NME1: variants seen among roughly 807,000 people sequenced by gnomAD.
NME1 encodes NME/NM23 nucleoside diphosphate kinase 1, also known as nucleoside diphosphate kinase A.
In NME1, 9 loss-of-function variants were observed where a neutral mutation model predicts 17.2. The ratio of observed to expected loss-of-function variants is 0.52; its 90% CI spans 0.32 to 0.92. NME1 has a LOEUF of 0.92. Among genes scored for constraint, NME1 ranks in the 40% least tolerant of loss-of-function variants. NME1 has a pLI of 0.04. For synonymous variants in NME1, 72 were observed against 70.8 expected (o/e 1.02, Z -0.09); for missense variants, 169 against 201.7 (o/e 0.84, Z 0.98).
chr17:51,156,026 G>C, intron 2 of NME1: 1 of 424,620 alleles, frequency 2.4e-6, no homozygotes, highest in Non-Finnish European at 4.4e-6. Flanking sequence ...AAGCAGTGCA[G>C]AGTTCCACAT....
At chr17:51,156,122 AGATT>A in intron 2 of NME1, 1 of 332,966 alleles carries the variant, frequency 3.0e-6, no homozygotes, top group Non-Finnish European at 5.8e-6. Flanking sequence ...AATTTTAGAG[AGATT>A]TTTTTCCCCC....
chr17:51,155,945 C>A, intron 2 of NME1, 165 bp downstream of exon 2: 1 of 1,097,518 alleles, frequency 9.1e-7, no homozygotes, highest in Non-Finnish European at 1.3e-6. Context: ...TTGGCTACAT[C>A]TTGGAACAAA....
chr17:51,158,436 TCAAAACAAACAA>T (rs756044905), intron 2 of NME1, among the ~76,000 whole-genome samples: 1 of 152,114 alleles, frequency 6.6e-6, no homozygotes, highest in Non-Finnish European at 1.5e-5. Flanking sequence ...AGACCCTGTC[TCAAAACAAACAA>T]CAAAACCAAC....
intron 2 of NME1, among the ~76,000 whole-genome samples, chr17:51,156,838 C>T (rs925537103): frequency 1.3e-5 from 2 of 149,972 alleles, no homozygotes; most frequent in Non-Finnish European, 3.0e-5. Flanking sequence ...GTTGCAGTGA[C>T]CGAGATCGCA....
intron 1 of NME1, among the ~76,000 whole-genome samples, chr17:51,155,145 G>A (rs1040230490): frequency 1.3e-5 from 2 of 151,778 alleles, no homozygotes; most frequent in African/African-American, 2.4e-5. Flanking sequence ...TTAGGAGGTT[G>A]AGGTAGGAGA....
intron 2 of NME1, chr17:51,156,243 A>G (rs2049784454): frequency 4.6e-6 from 1 of 219,506 alleles, no homozygotes; most frequent in Non-Finnish European, 9.3e-6. Context: ...GAGCTGGTGG[A>G]GGAAAACTAT....
At chr17:51,154,956 T>C (rs2049763537) in intron 1 of NME1, among the ~76,000 whole-genome samples, 2 of 152,116 alleles carry the variant, frequency 1.3e-5, no homozygotes, top group South Asian at 4.1e-4. Context: ...AATCAAATGG[T>C]GGCCAGGCTC....
intron 3 of NME1, chr17:51,160,729 C>T (rs1383945359): frequency 6.5e-6 from 2 of 308,726 alleles, no homozygotes; most frequent in African/African-American, 2.2e-5. Context: ...CCTGCCTTAG[C>T]CTCCTGAGTA....
chr17:51,155,550 G>T (rs1405363193), intron 1 of NME1, 101 bp from the exon 2 acceptor site: 1 of 1,552,028 alleles, frequency 6.4e-7, no homozygotes, highest in African/African-American at 1.4e-5. Context: ...GAGCTGACCT[G>T]ACAGATTTAA....
In NME1 at chr17:51,161,933, C is replaced by T. The variant is rs558518845; in HGVS notation, c.*88C>T. Reference sequence around the variant, plus strand: ...AGGCTGTAGGAAATCTAGTTATTTACAGGAACTTCATCATAATTTGGAGGG... The same window carrying T: ...AGGCTGTAGGAAATCTAGTTATTTATAGGAACTTCATCATAATTTGGAGGG... On this transcript the variant is annotated 3_prime_UTR_variant, in exon 5 of 5. Transcript: ENST00000393196. 25 of 872,916 alleles carry T rather than the reference C, an allele frequency of 2.9e-5. No individual in the cohort carries two copies. Among genetic ancestry groups the T allele is most frequent in the Non-Finnish European group, 4.5e-5 (23 of 515,738 alleles). The allele number at this position is 872,916 out of a possible 1,614,324, so 54.1% of individuals were successfully genotyped here.
intron 1 of NME1, among the ~76,000 whole-genome samples, chr17:51,155,397 A>G (rs78766181): frequency 0.074 from 11,320 of 152,290 alleles, 567 homozygotes; most frequent in Non-Finnish European, 0.11. Flanking sequence ...AAAACCCCAC[A>G]AAAACCAAAA....
chr17:51,158,006 G>A (rs151337559), intron 2 of NME1, among the ~76,000 whole-genome samples: 10 of 152,140 alleles, frequency 6.6e-5, no homozygotes, highest in South Asian at 2.1e-4. Flanking sequence ...AGGGCCTGGC[G>A]TGGTGGCTCA....
Position 51,154,601 on chromosome 17 carries a change from A to G in NME1, c.-5+939A>G, listed in dbSNP as rs138180716. ...ATTGGCTAGTCAAAATATTCTTTGCATTGTAAAGTGTAGCATAACATTACA... is the reference window on the plus strand; with the variant it reads ...ATTGGCTAGTCAAAATATTCTTTGCGTTGTAAAGTGTAGCATAACATTACA... On this transcript the variant is annotated intron_variant, in intron 1 of 4. Coordinates refer to ENST00000393196, the MANE Select transcript of NME1 (RefSeq NM_000269.3). Among the ~76,000 whole-genome samples the G allele has an allele frequency of 1.9e-3, 296 of 152,284 alleles. 2 individuals carry two copies. Among genetic ancestry groups the G allele is most frequent in the African/African-American group, 6.8e-3 (284 of 41,558 alleles).
intron 2 of NME1, 121 bp downstream of exon 2, chr17:51,155,901 C>G: frequency 6.6e-7 from 1 of 1,517,614 alleles, no homozygotes; most frequent in Middle Eastern, 1.7e-4. Flanking sequence ...ACACAAGTGT[C>G]TTGAGACCTG....
At chr17:51,155,164 C>G (rs1288674945) in intron 1 of NME1, among the ~76,000 whole-genome samples, 1 of 151,178 alleles carries the variant, frequency 6.6e-6, no homozygotes, top group Non-Finnish European at 1.5e-5. Context: ...GAATTGCTTG[C>G]CTGGGAAGTG....
chr17:51,161,470 A>G (rs1472299235), intron 4 of NME1, 198 bp downstream of exon 4: 1 of 685,560 alleles, frequency 1.5e-6, no homozygotes, highest in African/African-American at 1.8e-5. Context: ...CACGAAGTGT[A>G]GAACCTGGTA....
At chr17:51,159,776 G>A (rs1387328718) in intron 2 of NME1, among the ~76,000 whole-genome samples, 1 of 152,038 alleles carries the variant, frequency 6.6e-6, no homozygotes, top group African/African-American at 2.4e-5. Flanking sequence ...AGTGCCAATA[G>A]GGAGACAACT....
chr17:51,154,576 A>T (rs2144857082), intron 1 of NME1: 1 of 740,466 alleles, frequency 1.4e-6, no homozygotes, highest in South Asian at 1.6e-5. Flanking sequence ...CCCACCGTTT[A>T]TTGGCTAGTC....
At chr17:51,160,153 T>C in intron 3 of NME1, 72 bp downstream of exon 3, 3 of 1,540,310 alleles carry the variant, frequency 1.9e-6, no homozygotes, top group African/African-American at 1.4e-5. Context: ...TTCTAGACAC[T>C]GGGGATACAG....
Sources: gnomAD v4.1 joint callset for allele counts (sites outside exome capture counted in the v4.1 genomes callset) on GRCh38, gnomAD v4.1.1 for gene constraint, MANE v1.5 for transcripts, NCBI Gene and HGNC (gene_info 2026-07-23, HGNC 2026-07-21) for gene names.